The following PFKFB4 variants were observed in gnomAD, a reference collection of about 807,000 sequenced individuals.
PFKFB4 encodes the protein 6-phosphofructo-2-kinase/fructose-2,6-bisphosphatase 4.
Under a neutral mutation model 62.8 loss-of-function variants are expected in PFKFB4, and 42 were observed. That is an observed-to-expected ratio of 0.67 (90% CI 0.52 to 0.86). PFKFB4 has a LOEUF of 0.86. PFKFB4 is among the 40% of genes least tolerant of loss of function. The pLI is 0.00. For synonymous variants in PFKFB4, 204 were observed against 240.7 expected (o/e 0.85, Z 1.41); for missense variants, 475 against 627.2 (o/e 0.76, Z 2.59).
chr3:48,533,295 A>G (rs1183557529), intron 9 of PFKFB4, among the ~76,000 whole-genome samples: 1 of 152,240 alleles, frequency 6.6e-6, no homozygotes, highest in Non-Finnish European at 1.5e-5. Context: ...TGAGAGTTGC[A>G]TAACAATGTA....
rs1421370366 is a variant in PFKFB4, at chr3:48,540,137, C to A, written c.379-366G>T. On this transcript the variant is annotated intron_variant, in intron 4 of 13. Transcript: ENST00000232375. ...AGTGAAACCAGTTAAACCTAGTAAA[C>A]TGAACCTATGTTTATTTCTACTCCA... Among the ~76,000 whole-genome samples, 3 of 152,200 alleles carry A rather than the reference C, an allele frequency of 2.0e-5. 1 individual carries two copies. In the East Asian group the frequency reaches 5.8e-4, roughly 29 times the overall value.
intron 1 of PFKFB4, among the ~76,000 whole-genome samples, chr3:48,553,568 T>C (rs1226457803): frequency 6.6e-6 from 1 of 152,182 alleles, no homozygotes; most frequent in Non-Finnish European, 1.5e-5. Context: ...GTTCCTTTCC[T>C]GTAAATTCGC....
At chr3:48,542,073 G>T (rs758260471) in intron 4 of PFKFB4, among the ~76,000 whole-genome samples, 1 of 152,208 alleles carries the variant, frequency 6.6e-6, no homozygotes, top group Non-Finnish European at 1.5e-5. Flanking sequence ...AAGGCTGGGC[G>T]TGGTGGCTCA....
intron 1 of PFKFB4, among the ~76,000 whole-genome samples, chr3:48,555,894 C>G (rs73831583): frequency 6.6e-6 from 1 of 150,694 alleles, no homozygotes; most frequent in Non-Finnish European, 1.5e-5. Flanking sequence ...GGCCACTGAG[C>G]GAGACTCATC....
chr3:48,532,810 G>A (rs2042469873), intron 9 of PFKFB4, among the ~76,000 whole-genome samples: 1 of 152,318 alleles, frequency 6.6e-6, no homozygotes, highest in South Asian at 2.1e-4. Context: ...TTGCACTGTA[G>A]CCTGGGTGAC....
At chr3:48,530,452 G>A (rs1407944169) in intron 9 of PFKFB4, among the ~76,000 whole-genome samples, 1 of 152,082 alleles carries the variant, frequency 6.6e-6, no homozygotes, top group Non-Finnish European at 1.5e-5. Context: ...CATCCAGCCT[G>A]AGAATGTCTT....
upstream of PFKFB4, among the ~76,000 whole-genome samples, chr3:48,559,305 A>G (rs1236246967): frequency 6.6e-6 from 1 of 152,184 alleles, no homozygotes; most frequent in Non-Finnish European, 1.5e-5. Flanking sequence ...CCCCAAGGCC[A>G]CCGTCCACAT....
At chr3:48,558,976 T>C (rs2043391661), upstream of PFKFB4, among the ~76,000 whole-genome samples, 1 of 152,182 alleles carries the variant, frequency 6.6e-6, no homozygotes, top group Non-Finnish European at 1.5e-5. Context: ...GCAGCACTCA[T>C]TGCAAAAGCT....
At chr3:48,537,376 TAG>T (rs2042654034) in intron 7 of PFKFB4, among the ~76,000 whole-genome samples, 4 of 152,068 alleles carry the variant, frequency 2.6e-5, no homozygotes, top group Middle Eastern at 6.8e-3. Flanking sequence ...ATGAAAGCCA[TAG>T]AGAGGCCCAG....
intron 9 of PFKFB4, among the ~76,000 whole-genome samples, chr3:48,533,802 C>T (rs1178228125): frequency 2.6e-5 from 4 of 152,252 alleles, no homozygotes; most frequent in East Asian, 1.9e-4. Flanking sequence ...GGCAGTGAGC[C>T]GAGATCGTGC....
At chr3:48,563,129 A>G, upstream of PFKFB4, 1 of 1,606,100 alleles carries the variant, frequency 6.2e-7, no homozygotes, top group Non-Finnish European at 8.5e-7. This position sits in a 1 kb window ranked among gnomAD's most constrained non-coding sequence, Gnocchi z 4.5. Context: ...GGTCATCGTG[A>G]GGTCAGGCTG....
At chr3:48,528,336 G>A (rs1451009072) in intron 9 of PFKFB4, among the ~76,000 whole-genome samples, 6 of 152,042 alleles carry the variant, frequency 3.9e-5, no homozygotes, top group African/African-American at 1.4e-4. Context: ...TACTCCTAGC[G>A]TACAGTGAGG....
intron 2 of PFKFB4, 70 bp from the exon 3 acceptor site, chr3:48,550,030 C>G: frequency 7.0e-7 from 1 of 1,433,444 alleles, no homozygotes; most frequent in Non-Finnish European, 9.8e-7. Context: ...TGACCCAACC[C>G]CAGGCCAAAT....
At position 48,525,680 on chromosome 3, in the gene PFKFB4, A is replaced by G. The variant is rs2042234334; in HGVS notation, c.988-11T>C. 6.6e-7 allele frequency: 1 copy of G among 1,517,512 alleles called. No individual in the cohort carries two copies. The highest frequency in any genetic ancestry group is 9.1e-7 in the Non-Finnish European group (1 of 1,102,226). 94.0% of individuals were successfully genotyped at this position (1,517,512 alleles called of 1,614,324 possible). A position where few individuals can be genotyped will look rare whatever the true frequency, so the allele number is the denominator to read the frequency against. ...TTCCTCACAGACGCCCTAGGGAGAT[A>G]CCACAGTCATCACACCTCCTACAGG... On this transcript the variant is annotated splice_polypyrimidine_tract_variant and intron_variant, in intron 9 of 13. Transcript: ENST00000232375.
chr3:48,559,195 C>T (rs769620061), upstream of PFKFB4, among the ~76,000 whole-genome samples: 32 of 152,206 alleles, frequency 2.1e-4, no homozygotes, highest in Non-Finnish European at 4.7e-4. Flanking sequence ...TCCTCTCTTC[C>T]CCAGAAAGTC....
chr3:48,530,978 A>G (rs1430462054), intron 9 of PFKFB4, among the ~76,000 whole-genome samples: 1 of 152,128 alleles, frequency 6.6e-6, no homozygotes, highest in African/African-American at 2.4e-5. Flanking sequence ...AAGTGCTGGG[A>G]TTGCAGGCAT....
intron 9 of PFKFB4, among the ~76,000 whole-genome samples, chr3:48,535,118 T>A (rs1393002396): frequency 6.6e-6 from 1 of 152,152 alleles, no homozygotes; most frequent in Non-Finnish European, 1.5e-5. Context: ...GAGAACAGCA[T>A]CTTTAAAGAG....
chr3:48,549,955 T>C lies in PFKFB4; in HGVS notation c.220A>G (p.Asn74Asp), dbSNP rs1343855114. Reference protein sequence around the residue: ...NWIGVPTREFNVGQYRRDVVK... With the variant: ...NWIGVPTREFDVGQYRRDVVK... ...ACGTCCCGGCGATACTGGCCAACATTGAACTCTGGAGGGAAGGAGAGGCTC... is the reference window on the plus strand; with the variant it reads ...ACGTCCCGGCGATACTGGCCAACATCGAACTCTGGAGGGAAGGAGAGGCTC... The change falls in exon 3 of 14, where the codon AAT (asparagine) becomes GAT (aspartate). Residue 74 changes from asparagine to aspartate, a missense_variant. Coordinates refer to ENST00000232375, the MANE Select transcript of PFKFB4 (RefSeq NM_004567.4). 1 of 1,612,114 alleles carries C rather than the reference T, an allele frequency of 6.2e-7. No homozygotes were observed. The highest frequency in any genetic ancestry group is 1.7e-5 in the Admixed American group (1 of 60,020).
intron 4 of PFKFB4, among the ~76,000 whole-genome samples, chr3:48,542,232 G>A (rs898056768): frequency 4.6e-5 from 7 of 151,622 alleles, no homozygotes; most frequent in Non-Finnish European, 8.8e-5. Context: ...TACTCAGGAC[G>A]CTGAGGCAGG....
Sources: gnomAD v4.1 joint callset for allele counts (sites outside exome capture counted in the v4.1 genomes callset) on GRCh38, gnomAD v4.1.1 for gene constraint, Gnocchi (gnomAD v3.1) non-coding constraint, MANE v1.5 for transcripts, NCBI Gene and HGNC (gene_info 2026-07-23, HGNC 2026-07-21) for gene names.